The following FRAS1 variants were observed in gnomAD, a reference collection of about 807,000 sequenced individuals.
FRAS1 encodes Fraser extracellular matrix complex subunit 1, also known as extracellular matrix organizing protein FRAS1.
Under a neutral mutation model 435.2 loss-of-function variants are expected in FRAS1, and 290 were observed. The ratio of observed to expected loss-of-function variants is 0.67; its 90% CI spans 0.61 to 0.73. FRAS1 has a LOEUF of 0.73. Ranked by LOEUF, FRAS1 falls within the 30% of genes least tolerant of loss-of-function variation. The pLI, the probability that FRAS1 is intolerant of heterozygous loss-of-function variation, is 0.00. For missense variants in FRAS1, 4,860 were observed against 5,001.5 expected, an observed-to-expected ratio of 0.97 and a Z score of 0.85; for synonymous variants, 1,800 against 1,851.0, an observed-to-expected ratio of 0.97 and a Z score of 0.71.
intron 9 of FRAS1, among the ~76,000 whole-genome samples, chr4:78,278,078 C>A (rs4859922): frequency 0.91 from 139,144 of 152,222 alleles, 64,732 homozygotes; most frequent in Non-Finnish European, 1. Context: ...GGATTACAGG[C>A]GTGATCCACC....
intron 14 of FRAS1, among the ~76,000 whole-genome samples, chr4:78,292,849 C>A (rs1264561326): frequency 6.6e-6 from 1 of 152,186 alleles, no homozygotes; most frequent in Non-Finnish European, 1.5e-5. Flanking sequence ...CATGTTTCTA[C>A]CACTGCCTTC....
chr4:78,307,502 G>A (rs1008931760), intron 14 of FRAS1, among the ~76,000 whole-genome samples: 1 of 152,186 alleles, frequency 6.6e-6, no homozygotes, highest in Non-Finnish European at 1.5e-5. Context: ...CTAGCAATCA[G>A]CGAGACTCCG....
chr4:78,102,863 C>T (rs1742200689), intron 2 of FRAS1, among the ~76,000 whole-genome samples: 1 of 152,090 alleles, frequency 6.6e-6, no homozygotes, highest in Non-Finnish European at 1.5e-5. Context: ...TTCTTTAAAC[C>T]AAATGAAAAC....
At chr4:78,465,417 A>T (rs1719497007) in intron 49 of FRAS1, among the ~76,000 whole-genome samples, 1 of 152,248 alleles carries the variant, frequency 6.6e-6, no homozygotes, top group Admixed American at 6.5e-5. Context: ...AGAGATTGAT[A>T]GATATGCTGC....
At chr4:78,253,908 A>G (rs1213169091) in intron 5 of FRAS1, among the ~76,000 whole-genome samples, 1 of 152,050 alleles carries the variant, frequency 6.6e-6, no homozygotes, top group African/African-American at 2.4e-5. Context: ...CATCAACACT[A>G]TTTCTGTTGG....
intron 2 of FRAS1, among the ~76,000 whole-genome samples, chr4:78,087,530 G>C (rs142243362): frequency 0.052 from 7,908 of 152,042 alleles, 272 homozygotes; most frequent in Admixed American, 0.083. Context: ...AAAACCCCAT[G>C]GTCTCAGCCC....
chr4:78,232,724 G>A (rs1156303094), intron 2 of FRAS1, among the ~76,000 whole-genome samples: 2 of 152,172 alleles, frequency 1.3e-5, no homozygotes, highest in Non-Finnish European at 2.9e-5. Context: ...GTTTTCTCAA[G>A]CTCTCACAAC....
intron 54 of FRAS1, among the ~76,000 whole-genome samples, chr4:78,476,608 G>C (rs1363738399): frequency 1.3e-5 from 2 of 152,152 alleles, no homozygotes; most frequent in Non-Finnish European, 2.9e-5. Flanking sequence ...GAGGAATTAG[G>C]AAAGAACAGA....
At chr4:78,290,764 G>A (rs113974411) in intron 14 of FRAS1, among the ~76,000 whole-genome samples, 5 of 132,958 alleles carry the variant, frequency 3.8e-5, no homozygotes, top group East Asian at 2.3e-4. Flanking sequence ...TTTTTTGTTT[G>A]TTTGTTTGAA....
At position 78,526,784 on chromosome 4, in the gene FRAS1, G is replaced by A. The variant is rs183705353; in HGVS notation, c.10925+127G>A. The stretch of plus-strand genomic sequence containing the variant: ...TCATAGTCATTCACTGACATGCACA[G>A]CAGAGTCACAAAACATTTGAGTCAC... On this transcript the variant is annotated intron_variant, in intron 70 of 73. Transcript: ENST00000512123. The A allele has an allele frequency of 9.1e-5, 56 of 615,316 alleles. 1 individual carries two copies. Among genetic ancestry groups the A allele is most frequent in the East Asian group, 6.6e-4 (21 of 31,734 alleles). The allele number at this position is 615,316 out of a possible 1,614,324, so 38.1% of individuals were successfully genotyped here.
At chr4:78,309,172 G>A (rs1007005602) in intron 15 of FRAS1, among the ~76,000 whole-genome samples, 3 of 152,152 alleles carry the variant, frequency 2.0e-5, no homozygotes, top group Non-Finnish European at 4.4e-5. Context: ...TCTGGGAAAA[G>A]GCAAGGAAAC....
intron 2 of FRAS1, among the ~76,000 whole-genome samples, chr4:78,236,131 A>C (rs1724743367): frequency 6.6e-6 from 1 of 152,146 alleles, no homozygotes; most frequent in Non-Finnish European, 1.5e-5. Context: ...AAGAGTAGAA[A>C]TCCAGGGGAG....
intron 2 of FRAS1, among the ~76,000 whole-genome samples, chr4:78,219,457 A>G (rs567595615): frequency 1.1e-4 from 16 of 152,366 alleles, no homozygotes; most frequent in African/African-American, 3.4e-4. Flanking sequence ...TTTTAGACAT[A>G]GCAACAATTG....
intron 35 of FRAS1, among the ~76,000 whole-genome samples, chr4:78,427,980 A>C (rs1199555053): frequency 6.6e-6 from 1 of 152,248 alleles, no homozygotes; most frequent in Non-Finnish European, 1.5e-5. Flanking sequence ...CACATTTAAA[A>C]TAATTAACAG....
chr4:78,338,704 G>A (rs1730275096), intron 20 of FRAS1, among the ~76,000 whole-genome samples: 1 of 152,138 alleles, frequency 6.6e-6, no homozygotes, highest in Non-Finnish European at 1.5e-5. Context: ...CTGGAGCAGG[G>A]AAGAGGCATG....
chr4:78,277,491 T>C (rs1460372375), intron 9 of FRAS1, among the ~76,000 whole-genome samples: 2 of 152,226 alleles, frequency 1.3e-5, no homozygotes, highest in East Asian at 3.9e-4. Flanking sequence ...AGATATGTCT[T>C]TTGAAAGTGA....
intron 29 of FRAS1, among the ~76,000 whole-genome samples, chr4:78,389,767 C>T (rs111272777): frequency 2.6e-5 from 4 of 152,094 alleles, no homozygotes; most frequent in African/African-American, 9.7e-5. Flanking sequence ...TGTTGCACAA[C>T]CATTTTGTGT....
At chr4:78,123,007 T>C (rs1719116857) in intron 2 of FRAS1, among the ~76,000 whole-genome samples, 1 of 152,220 alleles carries the variant, frequency 6.6e-6, no homozygotes, top group Non-Finnish European at 1.5e-5. Context: ...AATTTTGGCT[T>C]TTGTTGCCAT....
intron 15 of FRAS1, among the ~76,000 whole-genome samples, chr4:78,308,976 A>G (rs1728906434): frequency 1.3e-5 from 2 of 152,202 alleles, no homozygotes; most frequent in Non-Finnish European, 2.9e-5. Flanking sequence ...TGATTAAGTT[A>G]AGGATCTTGA....
Sources: gnomAD v4.1 joint callset for allele counts (sites outside exome capture counted in the v4.1 genomes callset) on GRCh38, gnomAD v4.1.1 for gene constraint, MANE v1.5 for transcripts, NCBI Gene and HGNC (gene_info 2026-07-23, HGNC 2026-07-21) for gene names.